B3GALT1: variants seen among roughly 807,000 people sequenced by gnomAD.
B3GALT1 encodes UDP-Gal:betaGlcNAc beta 1,3-galactosyltransferase, polypeptide 1.
A neutral mutation model predicts 23.2 loss-of-function variants in B3GALT1; 10 were observed. The observed-to-expected ratio is 0.43, with a 90% CI of 0.27 to 0.73. The LOEUF (loss-of-function observed/expected upper bound fraction) is 0.73, where lower values mean the gene tolerates loss of function less well. Ranked by LOEUF, B3GALT1 falls within the 30% of genes least tolerant of loss-of-function variation. The pLI, the probability that B3GALT1 is intolerant of heterozygous loss-of-function variation, is 0.21. For synonymous variants in B3GALT1, 156 were observed against 141.5 expected (o/e 1.10, Z -0.73); for missense variants, 299 against 405.4 (o/e 0.74, Z 2.25).
intron 1 of B3GALT1, among the ~76,000 whole-genome samples, chr2:167,437,955 AT>A (rs1698813325): frequency 6.6e-6 from 1 of 152,212 alleles, no homozygotes. Context: ...ATGCCAATTC[AT>A]TGTGTAACAA....
At chr2:167,793,246 C>A (rs1688477767) in intron 3 of B3GALT1, among the ~76,000 whole-genome samples, 1 of 152,090 alleles carries the variant, frequency 6.6e-6, no homozygotes, top group South Asian at 2.1e-4. Context: ...GAGCATCGTG[C>A]ACCTAGTGCT....
chr2:167,516,060 G>T (rs1045417527), intron 2 of B3GALT1, among the ~76,000 whole-genome samples: 1 of 151,964 alleles, frequency 6.6e-6, no homozygotes, highest in Non-Finnish European at 1.5e-5. Flanking sequence ...TTGCCTATTT[G>T]TAGTTTTTCC....
At chr2:167,726,652 A>G (rs1230775094) in intron 3 of B3GALT1, among the ~76,000 whole-genome samples, 4 of 152,252 alleles carry the variant, frequency 2.6e-5, no homozygotes, top group Non-Finnish European at 5.9e-5. Context: ...CTATGAGATA[A>G]AAATCATTAT....
intron 4 of B3GALT1, among the ~76,000 whole-genome samples, chr2:167,824,033 C>T (rs1198666560): frequency 6.6e-6 from 1 of 152,192 alleles, no homozygotes; most frequent in Non-Finnish European, 1.5e-5. Context: ...TGGAACACAA[C>T]AGTTTCCTCT....
chr2:167,327,757 T>A (rs950214383), intron 1 of B3GALT1, among the ~76,000 whole-genome samples: 1 of 152,060 alleles, frequency 6.6e-6, no homozygotes, highest in Non-Finnish European at 1.5e-5. Context: ...TCCAGTACTA[T>A]GTTGAATAGG....
At chr2:167,654,880 C>T (rs1177904914) in intron 3 of B3GALT1, among the ~76,000 whole-genome samples, 1 of 151,488 alleles carries the variant, frequency 6.6e-6, no homozygotes, top group African/African-American at 2.4e-5. Flanking sequence ...TATAGTCCCT[C>T]TCCCCCAGGT....
intron 2 of B3GALT1, among the ~76,000 whole-genome samples, chr2:167,607,548 C>T (rs567181868): frequency 1.3e-5 from 2 of 152,220 alleles, no homozygotes; most frequent in Admixed American, 6.5e-5. Flanking sequence ...CAGGTGCACA[C>T]ACGTGCATAC....
At chr2:167,304,199 C>G (rs1559060537) in intron 1 of B3GALT1, among the ~76,000 whole-genome samples, 1 of 152,194 alleles carries the variant, frequency 6.6e-6, no homozygotes, top group Non-Finnish European at 1.5e-5. Flanking sequence ...AGATAAAGCT[C>G]TCCTTCATGG....
chr2:167,734,783 T>C (rs1483625180), intron 3 of B3GALT1, among the ~76,000 whole-genome samples: 1 of 152,186 alleles, frequency 6.6e-6, no homozygotes, highest in Non-Finnish European at 1.5e-5. Flanking sequence ...GAGAGACATG[T>C]TCCAAGTATG....
intron 2 of B3GALT1, among the ~76,000 whole-genome samples, chr2:167,506,532 G>A (rs1261844288): frequency 6.6e-6 from 1 of 152,114 alleles, no homozygotes; most frequent in Non-Finnish European, 1.5e-5. Context: ...AACTTTGTGG[G>A]GTGAGGAAAG....
At chr2:167,497,795 G>A (rs534314660) in intron 2 of B3GALT1, among the ~76,000 whole-genome samples, 1 of 152,002 alleles carries the variant, frequency 6.6e-6, no homozygotes, top group East Asian at 1.9e-4. Context: ...GGCCATTGAT[G>A]ACCTTAGAGA....
intron 4 of B3GALT1, among the ~76,000 whole-genome samples, chr2:167,838,242 GT>G (rs1689536211): frequency 6.6e-6 from 1 of 152,292 alleles, no homozygotes; most frequent in Admixed American, 6.5e-5. Context: ...CCAGGAGCTG[GT>G]TTTTTGAAAA....
chr2:167,758,523 G>A (rs935483139), intron 3 of B3GALT1, among the ~76,000 whole-genome samples: 2 of 152,136 alleles, frequency 1.3e-5, no homozygotes, highest in African/African-American at 4.8e-5. Flanking sequence ...GGACACATCA[G>A]CACCTCTGGG....
intron 2 of B3GALT1, among the ~76,000 whole-genome samples, chr2:167,621,889 A>C (rs1685266910): frequency 6.6e-6 from 1 of 151,980 alleles, no homozygotes; most frequent in South Asian, 2.1e-4. Context: ...TTCCACCATG[A>C]CTGTATGTTT....
chr2:167,711,461 G>A (rs1480399958), intron 3 of B3GALT1, among the ~76,000 whole-genome samples: 1 of 152,112 alleles, frequency 6.6e-6, no homozygotes, highest in Non-Finnish European at 1.5e-5. Flanking sequence ...AGTACCTGAC[G>A]GTCCTCTGAG....
intron 3 of B3GALT1, among the ~76,000 whole-genome samples, chr2:167,667,090 G>A (rs1415088520): frequency 6.6e-6 from 1 of 151,962 alleles, no homozygotes; most frequent in Non-Finnish European, 1.5e-5. Flanking sequence ...GGCTGGTACT[G>A]GTTGTTCCCT....
chr2:167,365,128 T>C (rs1697567340), intron 1 of B3GALT1, among the ~76,000 whole-genome samples: 1 of 152,206 alleles, frequency 6.6e-6, no homozygotes, highest in Non-Finnish European at 1.5e-5. Context: ...TGGGAATTTT[T>C]TGACTACACG....
intron 3 of B3GALT1, among the ~76,000 whole-genome samples, chr2:167,662,546 T>C (rs1203780543): frequency 6.6e-6 from 1 of 152,138 alleles, no homozygotes; most frequent in East Asian, 1.9e-4. Flanking sequence ...TCCCAAAGAC[T>C]GTTATAATAG....
chr2:167,344,476 T>C (rs1336372670), intron 1 of B3GALT1, among the ~76,000 whole-genome samples: 2 of 152,156 alleles, frequency 1.3e-5, no homozygotes, highest in African/African-American at 4.8e-5. Flanking sequence ...CTTGACACTT[T>C]GGGTAGATGA....
Sources: allele counts gnomAD v4.1 joint callset (sites outside exome capture counted in the v4.1 genomes callset), GRCh38; gene constraint gnomAD v4.1.1; transcripts MANE v1.5; gene names NCBI Gene and HGNC (gene_info 2026-07-23, HGNC 2026-07-21).